The following TRDN variants were observed in gnomAD, a reference collection of about 807,000 sequenced individuals.
TRDN encodes the protein triadin.
Under a neutral mutation model 149.7 loss-of-function variants are expected in TRDN, and 161 were observed. The ratio of observed to expected loss-of-function variants is 1.08; its 90% CI spans 0.95 to 1.23. The LOEUF (loss-of-function observed/expected upper bound fraction) is 1.23, where lower values mean the gene tolerates loss of function less well. Among genes scored for constraint, TRDN ranks in the 50% most tolerant of loss-of-function variants. The pLI is 0.00. For missense variants in TRDN, 896 were observed against 823.5 expected, an observed-to-expected ratio of 1.09 and a Z score of -1.08; for synonymous variants, 294 against 250.5, an observed-to-expected ratio of 1.17 and a Z score of -1.64.
chr6:123,557,151 A>G (rs1781715372), intron 2 of TRDN, among the ~76,000 whole-genome samples: 1 of 146,756 alleles, frequency 6.8e-6, no homozygotes, highest in Non-Finnish European at 1.5e-5. Flanking sequence ...ATCTCCCTTC[A>G]CTGACTCTCT....
chr6:123,463,230 G>A (rs1327370607), intron 10 of TRDN, among the ~76,000 whole-genome samples: 4 of 151,652 alleles, frequency 2.6e-5, no homozygotes, highest in Admixed American at 6.6e-5. Flanking sequence ...CCAGCTACTC[G>A]GGAGGCTGAG....
chr6:123,376,785 G>A (rs9482381), intron 18 of TRDN, among the ~76,000 whole-genome samples: 26,346 of 151,920 alleles, frequency 0.17, 2,668 homozygotes, highest in African/African-American at 0.29. Flanking sequence ...GCCCCTTTGC[G>A]TGGTTTTTTA....
chr6:123,568,802 G>A (rs760215908), intron 2 of TRDN, among the ~76,000 whole-genome samples: 6 of 152,206 alleles, frequency 3.9e-5, no homozygotes, highest in Non-Finnish European at 2.9e-5. Flanking sequence ...CCTATGATGG[G>A]AAAGACTGTT....
intron 8 of TRDN, chr6:123,501,910 T>C (rs1778717063): frequency 2.4e-5 from 24 of 983,182 alleles, no homozygotes; most frequent in Non-Finnish European, 2.9e-5. Flanking sequence ...AAATAAACAT[T>C]ATTTTAAAGT....
intron 9 of TRDN, among the ~76,000 whole-genome samples, chr6:123,492,336 A>T (rs1778256326): frequency 6.6e-6 from 1 of 152,178 alleles, no homozygotes; most frequent in South Asian, 2.1e-4. Context: ...GCTAAAAAAA[A>T]TTATTAAAAT....
chr6:123,244,624 G>A (rs147606060), intron 38 of TRDN, among the ~76,000 whole-genome samples: 40 of 152,132 alleles, frequency 2.6e-4, no homozygotes, highest in Non-Finnish European at 3.8e-4. Context: ...GTTTAATTGC[G>A]GTATTTAAAG....
chr6:123,552,301 T>C (rs887978591), intron 2 of TRDN, among the ~76,000 whole-genome samples: 23 of 152,108 alleles, frequency 1.5e-4, no homozygotes, highest in African/African-American at 5.6e-4. Flanking sequence ...AAGATTTTTA[T>C]TTGTCCTCTG....
At chr6:123,340,811 CAG>C (rs1562269175) in intron 21 of TRDN, among the ~76,000 whole-genome samples, 3 of 151,936 alleles carry the variant, frequency 2.0e-5, no homozygotes, top group Non-Finnish European at 4.4e-5. Context: ...GATAATTTCC[CAG>C]AGTGTAACTT....
rs951400267 is a variant in TRDN, at chr6:123,347,560, T to C, written c.1369+4979A>G. 1.1e-4 allele frequency among the ~76,000 whole-genome samples: 16 copies of C among 152,180 alleles called. No individual in the cohort carries two copies. The South Asian group carries it at 2.7e-3, about 26-fold the overall frequency. The stretch of plus-strand genomic sequence containing the variant: ...TGTAAAGTATCAGCAAAACTTTAAA[T>C]ATTGTCATTCCATTTAGTAGATTTA... On this transcript the variant is annotated intron_variant, in intron 21 of 40. Coordinates refer to ENST00000334268, the MANE Select transcript of TRDN (RefSeq NM_006073.4).
intron 19 of TRDN, among the ~76,000 whole-genome samples, chr6:123,368,086 T>A (rs1781183337): frequency 6.6e-6 from 1 of 152,180 alleles, no homozygotes; most frequent in African/African-American, 2.4e-5. Flanking sequence ...CCTAGCTCAC[T>A]AAGGCCACTG....
Position 123,337,605 on chromosome 6 carries a change from A to T in TRDN, c.1420+14T>A. On this transcript the variant is annotated intron_variant, in intron 22 of 40. Transcript: ENST00000334268. ...TAATAAATTTGTAATATTATATTAAATTAACTCTGTTACCTTTATCTTTCA... is the reference window on the plus strand; with the variant it reads ...TAATAAATTTGTAATATTATATTAATTTAACTCTGTTACCTTTATCTTTCA... The T allele has an allele frequency of 7.9e-7, 1 of 1,269,728 alleles. No individual in the cohort carries two copies. Among genetic ancestry groups the T allele is most frequent in the Non-Finnish European group, 1.1e-6 (1 of 933,844 alleles). The allele number at this position is 1,269,728 out of a possible 1,614,324, so 78.7% of individuals were successfully genotyped here.
At chr6:123,352,163 A>T in intron 21 of TRDN, 1 of 983,936 alleles carries the variant, frequency 1.0e-6, no homozygotes, top group African/African-American at 1.8e-5. Context: ...CATGTATAGG[A>T]TTGGGCCATC....
intron 12 of TRDN, among the ~76,000 whole-genome samples, chr6:123,409,039 T>G (rs2114507338): frequency 6.6e-6 from 1 of 152,300 alleles, no homozygotes; most frequent in Admixed American, 6.5e-5. Context: ...CACTGATTCC[T>G]AAACATATGT....
chr6:123,633,595 AAT>A (rs1390405703), intron 1 of TRDN, among the ~76,000 whole-genome samples: 1 of 152,062 alleles, frequency 6.6e-6, no homozygotes. Context: ...CTTCAGAATA[AAT>A]ATGTTATCAT....
rs1427267027 is a variant in TRDN at position 123,284,006 on chromosome 6, A to ATATATATATATATATATATATATAT, written c.1511-4925_1511-4924insATATATATATATATATATATATATA. Among the ~76,000 whole-genome samples, 219 of 119,250 alleles carry ATATATATATATATATATATATATAT rather than the reference A, an allele frequency of 1.8e-3. 12 individuals carry two copies. The highest frequency in any genetic ancestry group is 2.3e-3 in the Non-Finnish European group (136 of 57,936). 78.2% of individuals were successfully genotyped at this position (119,250 alleles called of 152,430 possible). On this transcript the variant is annotated intron_variant, in intron 24 of 40. Transcript: ENST00000334268. The stretch of plus-strand genomic sequence containing the variant: ...GGCACATATATATATATATATATGT[A>ATATATATATATATATATATATATAT]ACAAACCTGCACATTGTGCACATGT...
intron 38 of TRDN, among the ~76,000 whole-genome samples, chr6:123,249,693 A>T (rs1776308204): frequency 6.6e-6 from 1 of 152,180 alleles, no homozygotes; most frequent in Non-Finnish European, 1.5e-5. Context: ...AATCAAATTT[A>T]TCATGCATTA....
intron 35 of TRDN, among the ~76,000 whole-genome samples, chr6:123,258,640 G>A (rs898891587): frequency 1.6e-4 from 24 of 152,036 alleles, no homozygotes; most frequent in Middle Eastern, 3.4e-3. Context: ...TAAGGTTGAC[G>A]CTGGCCTCAC....
chr6:123,349,681 T>C, intron 21 of TRDN: 4 of 966,934 alleles, frequency 4.1e-6, no homozygotes, highest in Non-Finnish European at 4.9e-6. Flanking sequence ...AATATGAACA[T>C]TCATTATATT....
At chr6:123,357,190 T>TA (rs1237121354) in intron 20 of TRDN, among the ~76,000 whole-genome samples, 1 of 152,072 alleles carries the variant, frequency 6.6e-6, no homozygotes, top group Non-Finnish European at 1.5e-5. Flanking sequence ...ATGTATTACT[T>TA]ACATTTACCA....
Sources: gnomAD v4.1 joint callset for allele counts (sites outside exome capture counted in the v4.1 genomes callset) on GRCh38, gnomAD v4.1.1 for gene constraint, MANE v1.5 for transcripts, NCBI Gene and HGNC (gene_info 2026-07-23, HGNC 2026-07-21) for gene names.